The following FBXL17 variants were observed in gnomAD, a reference collection of about 807,000 sequenced individuals.
FBXL17 encodes the protein F-box/LRR-repeat protein 17.
A neutral mutation model predicts 66.2 loss-of-function variants in FBXL17; 22 were observed. That is an observed-to-expected ratio of 0.33 (90% CI 0.24 to 0.47). The LOEUF (loss-of-function observed/expected upper bound fraction) is 0.47. Among genes scored for constraint, FBXL17 ranks in the 20% least tolerant of loss-of-function variants. The pLI is 1.00. For missense variants in FBXL17, 878 were observed against 948.2 expected (o/e 0.93, Z 0.97); for synonymous variants, 474 against 400.5 (o/e 1.18, Z -2.19).
chr5:108,242,467 C>T (rs577206967), intron 4 of FBXL17, among the ~76,000 whole-genome samples: 1 of 152,036 alleles, frequency 6.6e-6, no homozygotes, highest in South Asian at 2.1e-4. Flanking sequence ...AGCAACCCTC[C>T]CACCTCAGCC....
chr5:108,233,680 T>C (rs1037514873), intron 4 of FBXL17, among the ~76,000 whole-genome samples: 1 of 152,154 alleles, frequency 6.6e-6, no homozygotes, highest in Non-Finnish European at 1.5e-5. Context: ...TATAACTGCA[T>C]GAAATGGATG....
chr5:108,144,077 T>C (rs530626992), intron 6 of FBXL17, among the ~76,000 whole-genome samples: 11 of 152,272 alleles, frequency 7.2e-5, no homozygotes, highest in Non-Finnish European at 1.5e-4. Flanking sequence ...AAGGGTGATA[T>C]CCCTGGAAAC....
intron 4 of FBXL17, among the ~76,000 whole-genome samples, chr5:108,228,340 A>G (rs1354110863): frequency 6.6e-6 from 1 of 152,154 alleles, no homozygotes; most frequent in African/African-American, 2.4e-5. Context: ...AACAGACTAT[A>G]GACTACAGGA....
intron 6 of FBXL17, among the ~76,000 whole-genome samples, chr5:108,148,986 A>G (rs1463565584): frequency 6.6e-6 from 1 of 152,224 alleles, no homozygotes; most frequent in Non-Finnish European, 1.5e-5. Flanking sequence ...TCATGACTCA[A>G]GCAAAACAGA....
At chr5:108,050,074 C>G (rs1380829463) in intron 6 of FBXL17, among the ~76,000 whole-genome samples, 2 of 152,214 alleles carry the variant, frequency 1.3e-5, no homozygotes, top group East Asian at 3.9e-4. Context: ...ACAGGAGCAC[C>G]CAGATTCATA....
intron 4 of FBXL17, among the ~76,000 whole-genome samples, chr5:108,237,754 T>C (rs2150095377): frequency 6.6e-6 from 1 of 152,264 alleles, no homozygotes; most frequent in East Asian, 1.9e-4. Context: ...ACAAGCCCCA[T>C]GTACCCAGAA....
rs558057332 is a variant in FBXL17 at position 107,918,191 on chromosome 5, G to A, written c.1823-37012C>T. Among the ~76,000 whole-genome samples, 36 of 152,320 alleles carry A rather than the reference G, an allele frequency of 2.4e-4. 1 individual carries two copies. The highest frequency in any genetic ancestry group is 7.7e-4 in the African/African-American group (32 of 41,590). On this transcript the variant is annotated intron_variant, in intron 7 of 8. Transcript: ENST00000542267. ...TGGCAGAAGACCCAGAGCAATGGGG[G>A]CCTGCTGTGAAGAGAGGCTGAGCTC...
rs1202783970 is a variant in FBXL17, at chr5:108,044,315, AT to A, written c.1746-23315del. Reference sequence around the variant, plus strand: ...CATTAACTATAATGTCAGTGGCAGTATTTTTTTGTAGATACTCTTCATCAAG... The same window carrying A: ...CATTAACTATAATGTCAGTGGCAGTATTTTTTGTAGATACTCTTCATCAAG... On this transcript the variant is annotated intron_variant, in intron 6 of 8. Transcript: ENST00000542267. Among the ~76,000 whole-genome samples, 7 of 152,186 alleles carry A rather than the reference AT, an allele frequency of 4.6e-5. No homozygotes were observed. In the South Asian group the frequency reaches 1.4e-3, roughly 32 times the overall value.
intron 6 of FBXL17, among the ~76,000 whole-genome samples, chr5:108,068,512 G>A (rs949375540): frequency 2.0e-5 from 3 of 151,770 alleles, no homozygotes; most frequent in African/African-American, 7.3e-5. Flanking sequence ...CTGGAGTGCA[G>A]TGGCGCAATC....
chr5:108,223,975 T>C (rs1580646130), intron 5 of FBXL17, 146 bp downstream of exon 5: 1 of 364,654 alleles, frequency 2.7e-6, no homozygotes, highest in Non-Finnish European at 5.0e-6. Flanking sequence ...TGGTATTGCT[T>C]TCTTCAACTC....
intron 6 of FBXL17, among the ~76,000 whole-genome samples, chr5:108,114,655 G>A (rs1750171762): frequency 6.6e-6 from 1 of 152,094 alleles, no homozygotes; most frequent in African/African-American, 2.4e-5. Context: ...ATACTGAGTG[G>A]AGCACACAAA....
At chr5:108,270,942 A>T (rs1446637573) in intron 4 of FBXL17, among the ~76,000 whole-genome samples, 1 of 152,072 alleles carries the variant, frequency 6.6e-6, no homozygotes, top group Non-Finnish European at 1.5e-5. Flanking sequence ...CATGGTAAAC[A>T]TTCATCTCTC....
intron 4 of FBXL17, among the ~76,000 whole-genome samples, chr5:108,241,964 C>T (rs977622820): frequency 3.3e-5 from 5 of 151,890 alleles, no homozygotes; most frequent in African/African-American, 9.7e-5. Context: ...TTTCCCAGAC[C>T]GACAAAAGCT....
chr5:108,170,345 G>A (rs536992178), intron 6 of FBXL17, among the ~76,000 whole-genome samples: 2 of 152,116 alleles, frequency 1.3e-5, no homozygotes, highest in African/African-American at 4.8e-5. Flanking sequence ...TGGTAAATGG[G>A]TATGATAAGA....
intron 4 of FBXL17, among the ~76,000 whole-genome samples, chr5:108,347,441 C>A (rs1224359612): frequency 1.3e-5 from 2 of 152,108 alleles, no homozygotes; most frequent in Admixed American, 6.6e-5. Flanking sequence ...ACAACTTTTT[C>A]TTTTAACTGA....
intron 6 of FBXL17, among the ~76,000 whole-genome samples, chr5:108,050,461 GCTC>G (rs1747426860): frequency 6.6e-6 from 1 of 152,026 alleles, no homozygotes; most frequent in Non-Finnish European, 1.5e-5. Context: ...CTCCTGAATG[GCTC>G]CTGAGTAAAT....
In FBXL17 at chr5:108,381,794, G is replaced by A. The variant is rs957861041; in HGVS notation, c.-103C>T. ...CCGCTCGCTGGCTCGGCCCCCGGAG[G>A]GGTCGCCCTTCCTGCGCACACACAC... On this transcript the variant is annotated 5_prime_UTR_variant, in exon 1 of 9. Coordinates refer to ENST00000542267, the MANE Select transcript of FBXL17 (RefSeq NM_001163315.3). 1 of 1,355,300 alleles carries A rather than the reference G, an allele frequency of 7.4e-7. No homozygotes were observed. Among genetic ancestry groups the A allele is most frequent in the Non-Finnish European group, 9.4e-7 (1 of 1,058,530 alleles). 84.0% of individuals were successfully genotyped at this position (1,355,300 alleles called of 1,614,324 possible). A position where few individuals can be genotyped will look rare whatever the true frequency, so the allele number is the denominator to read the frequency against.
At chr5:108,171,982 G>C (rs997142770) in intron 6 of FBXL17, among the ~76,000 whole-genome samples, 1 of 152,156 alleles carries the variant, frequency 6.6e-6, no homozygotes, top group Non-Finnish European at 1.5e-5. Flanking sequence ...GACGTGACTT[G>C]CTCCTCCTTG....
At chr5:108,131,739 T>G (rs1039783758) in intron 6 of FBXL17, among the ~76,000 whole-genome samples, 3 of 152,122 alleles carry the variant, frequency 2.0e-5, no homozygotes, top group African/African-American at 7.2e-5. Context: ...AATTATTATA[T>G]GGCTACAGTA....
Sources: allele counts gnomAD v4.1 joint callset (sites outside exome capture counted in the v4.1 genomes callset), GRCh38; gene constraint gnomAD v4.1.1; transcripts MANE v1.5; gene names NCBI Gene and HGNC (gene_info 2026-07-23, HGNC 2026-07-21).